The following UBL3 variants were observed in gnomAD, a reference collection of about 807,000 sequenced individuals.
UBL3 encodes ubiquitin-like protein 3.
UBL3 carries 6 observed loss-of-function variants against 18.4 expected under a neutral mutation model. The observed-to-expected ratio is 0.33, with a 90% CI of 0.18 to 0.64. The LOEUF is 0.64. UBL3 is among the 30% of genes least tolerant of loss of function. The probability of loss-of-function intolerance (pLI) is 0.76; values close to 1 mark genes in which losing one functional copy is unlikely to be tolerated. For synonymous variants in UBL3, 49 were observed against 46.6 expected (o/e 1.05, Z -0.21); for missense variants, 109 against 142.9 (o/e 0.76, Z 1.21).
At chr13:29,833,163 C>G (rs893943474) in intron 1 of UBL3, among the ~76,000 whole-genome samples, 1 of 151,878 alleles carries the variant, frequency 6.6e-6, no homozygotes, top group Admixed American at 6.5e-5. Context: ...GAGTGATAGC[C>G]AGCCATTAGT....
chr13:29,810,676 AT>A (rs1339131557), intron 1 of UBL3, among the ~76,000 whole-genome samples: 14 of 152,088 alleles, frequency 9.2e-5, no homozygotes, highest in Admixed American at 9.2e-4. Context: ...AAATACAGGT[AT>A]TTTTAGTGTA....
chr13:29,783,203 A>C (rs1052806334), intron 1 of UBL3, among the ~76,000 whole-genome samples: 1 of 152,212 alleles, frequency 6.6e-6, no homozygotes, highest in Non-Finnish European at 1.5e-5. Flanking sequence ...TGGGCTCTGG[A>C]TCTTTACTGT....
rs559085364 is a variant in UBL3 at position 29,786,950 on chromosome 13, T to C, written c.28-9687A>G. Among the ~76,000 whole-genome samples, 4 of 152,316 alleles carry C rather than the reference T, an allele frequency of 2.6e-5. No homozygotes were observed. The South Asian group carries it at 8.3e-4, about 32-fold the overall frequency. ...AAACTTTTACAACATATCATTTACT[T>C]GGAATGTGAACTTGCAGAATATTTT... On this transcript the variant is annotated intron_variant, in intron 1 of 4. Coordinates refer to ENST00000380680, the MANE Select transcript of UBL3 (RefSeq NM_007106.4).
chr13:29,777,122 AT>A, intron 2 of UBL3, 32 bp downstream of exon 2: 1 of 1,503,006 alleles, frequency 6.7e-7, no homozygotes, highest in Non-Finnish European at 9.1e-7. Flanking sequence ...AAGAATCAAC[AT>A]TATTCATACT....
chr13:29,828,329 A>G (rs945995977), intron 1 of UBL3, among the ~76,000 whole-genome samples: 3 of 152,094 alleles, frequency 2.0e-5, no homozygotes, highest in African/African-American at 7.2e-5. Flanking sequence ...TCAGATGTAG[A>G]TTTGGTCTAT....
intron 1 of UBL3, among the ~76,000 whole-genome samples, chr13:29,792,234 A>G (rs750936397): frequency 2.0e-5 from 3 of 152,326 alleles, no homozygotes; most frequent in East Asian, 3.9e-4. Flanking sequence ...CACTTCGTGT[A>G]TAACCACCAA....
intron 1 of UBL3, among the ~76,000 whole-genome samples, chr13:29,817,133 T>C (rs1299791254): frequency 6.6e-6 from 1 of 152,212 alleles, no homozygotes; most frequent in Non-Finnish European, 1.5e-5. Flanking sequence ...CCTCAATCTT[T>C]AAAGTCACTT....
rs78080784 is a variant in UBL3, at chr13:29,823,441, T to G, written c.27+26071A>C. Among the ~76,000 whole-genome samples, 1,211 of 152,310 alleles carry G rather than the reference T, an allele frequency of 8.0e-3. 17 individuals are homozygous for G. The highest frequency in any genetic ancestry group is 0.028 in the African/African-American group (1,148 of 41,564). On this transcript the variant is annotated intron_variant, in intron 1 of 4. Coordinates refer to ENST00000380680, the MANE Select transcript of UBL3 (RefSeq NM_007106.4). ...ACAGGCGTGAGCCACTGCGCCCGGC[T>G]GCAAATTTAGATCTTTAAGTGTAGA...
intron 1 of UBL3, among the ~76,000 whole-genome samples, chr13:29,802,019 G>A (rs1877784011): frequency 6.6e-6 from 1 of 152,164 alleles, no homozygotes; most frequent in African/African-American, 2.4e-5. Context: ...GGCCAGATTT[G>A]CAGCCACCAC....
intron 1 of UBL3, among the ~76,000 whole-genome samples, chr13:29,830,111 C>CA (rs904594596): frequency 3.3e-5 from 5 of 151,728 alleles, no homozygotes; most frequent in African/African-American, 1.2e-4. Context: ...ACCTGGGGAA[C>CA]AAAAAAAGGG....
chr13:29,832,304 G>C (rs1365484340), intron 1 of UBL3, among the ~76,000 whole-genome samples: 1 of 151,438 alleles, frequency 6.6e-6, no homozygotes, highest in African/African-American at 2.4e-5. Flanking sequence ...AGACCAATTA[G>C]CTAAGATTCC....
intron 1 of UBL3, among the ~76,000 whole-genome samples, chr13:29,838,226 A>C (rs1879010487): frequency 6.6e-6 from 1 of 152,122 alleles, no homozygotes; most frequent in Non-Finnish European, 1.5e-5. Context: ...TAAAGTAGGG[A>C]CCCTTTAAAA....
rs1339019191 is a variant in UBL3, at chr13:29,767,326, A to G, written c.302-19T>C. On this transcript the variant is annotated intron_variant, in intron 4 of 4. Transcript: ENST00000380680. ...CTCTGACCTAGGGAAAACGAAGAAG[A>G]GCCTCGTTTATAAAAATTCTAGAAC... The G allele has an allele frequency of 1.9e-6, 3 of 1,612,806 alleles. No individual in the cohort carries two copies. The highest frequency in any genetic ancestry group is 2.7e-5 in the African/African-American group (2 of 74,882).
At chr13:29,783,079 T>C (rs1360425071) in intron 1 of UBL3, among the ~76,000 whole-genome samples, 1 of 152,242 alleles carries the variant, frequency 6.6e-6, no homozygotes. Context: ...TCTGGCATTG[T>C]ATTGAATGAG....
At chr13:29,810,369 C>A (rs149024771) in intron 1 of UBL3, among the ~76,000 whole-genome samples, 42 of 152,098 alleles carry the variant, frequency 2.8e-4, no homozygotes, top group African/African-American at 9.2e-4. Context: ...GAAGAGAGCA[C>A]AGACTGAGCT....
At chr13:29,833,944 T>G (rs758287595) in intron 1 of UBL3, among the ~76,000 whole-genome samples, 8 of 152,094 alleles carry the variant, frequency 5.3e-5, no homozygotes, top group African/African-American at 1.9e-4. Flanking sequence ...TCTCAGCACT[T>G]TGGGAGGCCG....
rs777948283 is a variant in UBL3, at chr13:29,802,392, T to C, written c.28-25129A>G. On this transcript the variant is annotated intron_variant, in intron 1 of 4. Coordinates refer to ENST00000380680, the MANE Select transcript of UBL3 (RefSeq NM_007106.4). ...AGAAGAAAGAACCAGTGCATGAACT[T>C]TGGCAACCCAAAATGCCAGCCTGTC... is the stretch of plus-strand genomic sequence containing the variant. Among the ~76,000 whole-genome samples the C allele has an allele frequency of 3.9e-5, 6 of 152,190 alleles. No individual in the cohort carries two copies. In the East Asian group the frequency reaches 5.8e-4, roughly 15 times the overall value.
At chr13:29,824,239 G>A (rs1878556970) in intron 1 of UBL3, among the ~76,000 whole-genome samples, 1 of 152,102 alleles carries the variant, frequency 6.6e-6, no homozygotes, top group African/African-American at 2.4e-5. Flanking sequence ...GGGATGGCTG[G>A]GTCAAATGGT....
intron 1 of UBL3, among the ~76,000 whole-genome samples, chr13:29,827,894 G>C (rs573442740): frequency 2.2e-4 from 33 of 152,304 alleles, no homozygotes; most frequent in African/African-American, 7.9e-4. Context: ...AAATCTCTCA[G>C]CATTTGCTTG....
Sources: allele counts gnomAD v4.1 joint callset (sites outside exome capture counted in the v4.1 genomes callset), GRCh38; gene constraint gnomAD v4.1.1; transcripts MANE v1.5; gene names NCBI Gene and HGNC (gene_info 2026-07-23, HGNC 2026-07-21).